The following KIAA1217 variants were observed in gnomAD, a reference collection of about 807,000 sequenced individuals.
KIAA1217 encodes the protein KIAA1217.
A neutral mutation model predicts 163.9 loss-of-function variants in KIAA1217; 88 were observed. The ratio of observed to expected loss-of-function variants is 0.54; its 90% CI spans 0.45 to 0.64. The LOEUF is 0.64. KIAA1217 is among the 30% of genes least tolerant of loss of function. KIAA1217 has a pLI of 0.00. For synonymous variants in KIAA1217, 903 were observed against 923.1 expected (o/e 0.98, Z 0.39); for missense variants, 2,372 against 2,475.0 (o/e 0.96, Z 0.88).
At chr10:24,475,992 A>G (rs987159271) in intron 6 of KIAA1217, among the ~76,000 whole-genome samples, 1 of 152,134 alleles carries the variant, frequency 6.6e-6, no homozygotes, top group Non-Finnish European at 1.5e-5. Flanking sequence ...CCAGAATCCT[A>G]CCTCCCACAC....
At chr10:23,735,537 A>C (rs1353879811) in intron 1 of KIAA1217, among the ~76,000 whole-genome samples, 3 of 152,072 alleles carry the variant, frequency 2.0e-5, no homozygotes, top group South Asian at 2.1e-4. Flanking sequence ...CTAATTATTA[A>C]TAAGAGTGTG....
intron 2 of KIAA1217, among the ~76,000 whole-genome samples, chr10:24,147,282 G>A (rs1163794371): frequency 6.6e-6 from 1 of 152,202 alleles, no homozygotes; most frequent in Non-Finnish European, 1.5e-5. Context: ...GGGGACAAGG[G>A]AGAGTGAAGA....
At chr10:24,138,605 T>C (rs912626949) in intron 2 of KIAA1217, among the ~76,000 whole-genome samples, 7 of 151,364 alleles carry the variant, frequency 4.6e-5, no homozygotes, top group Non-Finnish European at 1.0e-4. Flanking sequence ...ACTTAGTTAA[T>C]TTCCTGTGGT....
At chr10:24,234,104 T>C (rs1424926369) in intron 2 of KIAA1217, among the ~76,000 whole-genome samples, 1 of 152,132 alleles carries the variant, frequency 6.6e-6, no homozygotes, top group African/African-American at 2.4e-5. Context: ...TAATACAGGT[T>C]GAGTATCCCT....
Position 24,088,256 on chromosome 10 carries a change from C to CATATATATATATATATATATATATAT in KIAA1217, c.-171+80901_-171+80902insTATATATATATATATATATATATATA, listed in dbSNP as rs758367708. ...TCCCAGGCTCTGTTTTTTTAATATACATATATATATATATATATACACACA... is the reference window on the plus strand; with the variant it reads ...TCCCAGGCTCTGTTTTTTTAATATACATATATATATATATATATATATATATATATATATATATATATATACACACA... On this transcript the variant is annotated intron_variant, in intron 2 of 18. Coordinates refer to the KIAA1217 transcript ENST00000376462. Among the ~76,000 whole-genome samples the CATATATATATATATATATATATATAT allele has an allele frequency of 2.0e-3, 195 of 95,720 alleles. 11 individuals carry two copies. The highest frequency in any genetic ancestry group is 6.4e-3 in the Middle Eastern group (1 of 156). The allele number at this position is 95,720 out of a possible 152,430, so 62.8% of individuals were successfully genotyped here. A position where few individuals can be genotyped will look rare whatever the true frequency, so the allele number is the denominator to read the frequency against.
At position 24,536,866 on chromosome 10, in the gene KIAA1217, C is replaced by T. The variant is rs202240646; in HGVS notation, c.3507C>T (p.Gly1169=). ...ADSHVKDTRS[G]ATVPPKEKKN... ...GTCACGTTAAAGACACTAGGTCGGG[C>T]GCCACAGTGCCACCCAAGGAGAAGA... is the stretch of plus-strand genomic sequence containing the variant. The change falls in exon 17 of 21, where the codon GGC becomes GGT. Residue 1169 remains glycine (G), a synonymous_variant. Coordinates refer to ENST00000376454, the MANE Select transcript of KIAA1217 (RefSeq NM_019590.5). 43 of 1,613,828 alleles carry T rather than the reference C, an allele frequency of 2.7e-5. No individual in the cohort carries two copies. The Middle Eastern group carries it at 4.9e-4, about 19-fold the overall frequency.
intron 2 of KIAA1217, among the ~76,000 whole-genome samples, chr10:24,306,486 C>T (rs762103398): frequency 2.0e-5 from 3 of 152,180 alleles, no homozygotes; most frequent in Non-Finnish European, 4.4e-5. Context: ...AAATCCTGCA[C>T]TCATGAATTC....
intron 1 of KIAA1217, among the ~76,000 whole-genome samples, chr10:23,912,885 A>G (rs561169880): frequency 4.4e-4 from 67 of 152,286 alleles, no homozygotes; most frequent in South Asian, 1.0e-3. Context: ...GGGGACCACA[A>G]TGCTGACTGT....
intron 2 of KIAA1217, among the ~76,000 whole-genome samples, chr10:24,270,609 C>T (rs2076679870): frequency 6.6e-6 from 1 of 152,152 alleles, no homozygotes; most frequent in Non-Finnish European, 1.5e-5. Flanking sequence ...GGTGCGATTT[C>T]AGCTCACTGC....
intron 1 of KIAA1217, among the ~76,000 whole-genome samples, chr10:23,818,223 G>A (rs1837439391): frequency 7.2e-6 from 1 of 138,108 alleles, no homozygotes; most frequent in African/African-American, 2.7e-5. Context: ...GCATCTATAG[G>A]CAAAACTTTA....
At chr10:24,304,660 C>A (rs997390011) in intron 2 of KIAA1217, among the ~76,000 whole-genome samples, 5 of 152,060 alleles carry the variant, frequency 3.3e-5, no homozygotes, top group Non-Finnish European at 7.4e-5. Flanking sequence ...TGCCTTCGAG[C>A]CCCTTCAGAC....
At chr10:24,397,108 C>CTTTTTTT (rs34660362) in intron 3 of KIAA1217, among the ~76,000 whole-genome samples, 1 of 114,738 alleles carries the variant, frequency 8.7e-6, no homozygotes, top group Admixed American at 9.5e-5. Context: ...GTAAGAAACT[C>CTTTTTTT]TTTTTTTTTT....
chr10:24,270,113 T>G (rs965361572), intron 2 of KIAA1217, among the ~76,000 whole-genome samples: 3 of 152,240 alleles, frequency 2.0e-5, no homozygotes, highest in African/African-American at 7.2e-5. Context: ...AAGGAAGGTG[T>G]TAGAAATGGA....
chr10:23,990,105 T>C (rs1846155646), intron 1 of KIAA1217, among the ~76,000 whole-genome samples: 1 of 152,206 alleles, frequency 6.6e-6, no homozygotes, highest in Non-Finnish European at 1.5e-5. Flanking sequence ...TCATATTTGA[T>C]GAAGCTTATG....
chr10:24,311,235 A>G (rs114129538), intron 2 of KIAA1217, among the ~76,000 whole-genome samples: 3,690 of 152,236 alleles, frequency 0.024, 166 homozygotes, highest in African/African-American at 0.085. Flanking sequence ...GTTAGTTCCC[A>G]GCCTGTGTCC....
chr10:24,218,777 C>T (rs1478934767), intron 1 of KIAA1217, among the ~76,000 whole-genome samples: 1 of 152,128 alleles, frequency 6.6e-6, no homozygotes, highest in Non-Finnish European at 1.5e-5. Flanking sequence ...GCATGAGCCA[C>T]GGCGCCTGGC....
chr10:24,523,539 T>A (rs760511015), intron 12 of KIAA1217, among the ~76,000 whole-genome samples: 1 of 152,156 alleles, frequency 6.6e-6, no homozygotes, highest in Non-Finnish European at 1.5e-5. Flanking sequence ...AACTAAAAAT[T>A]AGAGGTCAAG....
chr10:24,545,521 C>T, intron 20 of KIAA1217: 1 of 1,307,716 alleles, frequency 7.6e-7, no homozygotes, highest in Non-Finnish European at 9.7e-7. Flanking sequence ...ATGCCCGACC[C>T]CCACCCCAGT....
At chr10:24,272,136 G>A (rs1032082297) in intron 2 of KIAA1217, among the ~76,000 whole-genome samples, 5 of 152,042 alleles carry the variant, frequency 3.3e-5, no homozygotes, top group African/African-American at 1.2e-4. Context: ...CTCTCTACAT[G>A]ATTAAGATCC....
Sources: allele counts gnomAD v4.1 joint callset (sites outside exome capture counted in the v4.1 genomes callset), GRCh38; gene constraint gnomAD v4.1.1; transcripts MANE v1.5; gene names NCBI Gene and HGNC (gene_info 2026-07-23, HGNC 2026-07-21).